The following TENM2 variants were observed in gnomAD, a reference collection of about 807,000 sequenced individuals.
TENM2 encodes the protein teneurin transmembrane protein 2.
In TENM2, 52 loss-of-function variants were observed where a neutral mutation model predicts 245.2. The ratio of observed to expected loss-of-function variants is 0.21; its 90% CI spans 0.17 to 0.27. The LOEUF (loss-of-function observed/expected upper bound fraction) is 0.27, where lower values mean the gene tolerates loss of function less well. Among genes scored for constraint, TENM2 ranks in the 10% least tolerant of loss-of-function variants. The pLI, the probability that TENM2 is intolerant of heterozygous loss-of-function variation, is 1.00. For synonymous variants in TENM2, 1,363 were observed against 1,438.9 expected, an observed-to-expected ratio of 0.95 and a Z score of 1.19; for missense variants, 3,046 against 3,666.8, an observed-to-expected ratio of 0.83 and a Z score of 4.37.
the TENM2 span, among the ~76,000 whole-genome samples, chr5:167,173,782 C>T: frequency 6.6e-6 from 1 of 151,122 alleles, no homozygotes; most frequent in South Asian, 2.1e-4. Flanking sequence ...ATAAATAGTG[C>T]CCTAGGTAAG....
the TENM2 span, among the ~76,000 whole-genome samples, chr5:167,054,661 A>G: frequency 6.6e-6 from 1 of 152,148 alleles, no homozygotes; most frequent in Admixed American, 6.6e-5. Flanking sequence ...ATGAATTAAG[A>G]TTTCTCATTG....
intron 2 of TENM2, among the ~76,000 whole-genome samples, chr5:167,761,361 A>G (rs1762652757): frequency 6.6e-6 from 1 of 152,100 alleles, no homozygotes; most frequent in Non-Finnish European, 1.5e-5. Context: ...TACCCCATCA[A>G]CCCAGAATGC....
At chr5:167,126,518 G>A in the TENM2 span, among the ~76,000 whole-genome samples, 2 of 151,968 alleles carry the variant, frequency 1.3e-5, no homozygotes, top group South Asian at 2.1e-4. Flanking sequence ...GTATTTCCCC[G>A]ATTCTAATCT....
intron 1 of TENM2, among the ~76,000 whole-genome samples, chr5:167,305,185 G>A (rs1755599057): frequency 6.6e-6 from 1 of 152,150 alleles, no homozygotes; most frequent in African/African-American, 2.4e-5. Context: ...GTTCAGGTTT[G>A]CCTGAATCTC....
chr5:167,667,770 C>T (rs1327671404), intron 2 of TENM2, among the ~76,000 whole-genome samples: 2 of 152,172 alleles, frequency 1.3e-5, no homozygotes, highest in Admixed American at 6.5e-5. Flanking sequence ...GTTGATTTCC[C>T]AGGTGCCTGG....
chr5:167,792,704 G>A (rs1487400052), intron 2 of TENM2, among the ~76,000 whole-genome samples: 1 of 151,596 alleles, frequency 6.6e-6, no homozygotes, highest in Non-Finnish European at 1.5e-5. Context: ...AATCTGCATG[G>A]GGGTCTTACT....
intron 2 of TENM2, among the ~76,000 whole-genome samples, chr5:167,868,008 A>G (rs947483540): frequency 6.6e-6 from 1 of 152,228 alleles, no homozygotes. Context: ...ATATCTGCCC[A>G]ATGCTTATAA....
chr5:166,985,467 C>T, the TENM2 span, among the ~76,000 whole-genome samples: 1 of 152,104 alleles, frequency 6.6e-6, no homozygotes, highest in Admixed American at 6.6e-5. Context: ...ATATTTTAAT[C>T]CTATGAATAA....
At chr5:167,063,283 A>T in the TENM2 span, among the ~76,000 whole-genome samples, 1 of 152,308 alleles carries the variant, frequency 6.6e-6, no homozygotes, top group South Asian at 2.1e-4. Flanking sequence ...TCTTTTTAAA[A>T]GAAAAAATGA....
Position 167,588,035 on chromosome 5 carries a change from G to A in TENM2, c.502+212562G>A, listed in dbSNP as rs759276188. Among the ~76,000 whole-genome samples the A allele has an allele frequency of 2.0e-4, 31 of 152,278 alleles. No individual in the cohort carries two copies. In the South Asian group the frequency reaches 2.1e-3, roughly 10 times the overall value. On this transcript the variant is annotated intron_variant, in intron 2 of 28. Coordinates refer to ENST00000518659, the Ensembl canonical transcript of TENM2. The stretch of plus-strand genomic sequence containing the variant: ...GAGGCAACCACACTCAGAAAAGACT[G>A]GGAATGGCAGGAGGTGATCAGACCA...
At chr5:167,182,528 A>G in the TENM2 span, among the ~76,000 whole-genome samples, 2 of 152,274 alleles carry the variant, frequency 1.3e-5, no homozygotes, top group South Asian at 2.1e-4. Flanking sequence ...TTTCTAAAAT[A>G]TTTTCTAAAC....
At chr5:167,215,114 G>C in the TENM2 span, among the ~76,000 whole-genome samples, 5 of 152,098 alleles carry the variant, frequency 3.3e-5, no homozygotes, top group African/African-American at 1.2e-4. Context: ...ATCTCTATCT[G>C]CCCTTCAAGA....
At chr5:167,764,718 A>G (rs1278422305) in intron 2 of TENM2, among the ~76,000 whole-genome samples, 1 of 152,148 alleles carries the variant, frequency 6.6e-6, no homozygotes, top group African/African-American at 2.4e-5. Context: ...TATGCAGAGA[A>G]GATCAGGGCC....
intron 4 of TENM2, among the ~76,000 whole-genome samples, chr5:167,989,059 A>G (rs1348278121): frequency 1.3e-5 from 2 of 152,184 alleles, no homozygotes; most frequent in African/African-American, 4.8e-5. Flanking sequence ...ACTGATGTCC[A>G]GGCACTAATG....
At chr5:167,067,135 C>T in the TENM2 span, among the ~76,000 whole-genome samples, 2 of 152,024 alleles carry the variant, frequency 1.3e-5, no homozygotes, top group African/African-American at 2.4e-5. Flanking sequence ...AAATTGGTCT[C>T]GTATTTATTC....
intron 2 of TENM2, among the ~76,000 whole-genome samples, chr5:167,696,568 A>G (rs943308019): frequency 3.3e-5 from 5 of 152,204 alleles, no homozygotes; most frequent in Admixed American, 1.3e-4. Flanking sequence ...TTTTCTTTGT[A>G]TGAAAATACT....
rs749016436 is a variant in TENM2, at chr5:167,470,454, C to CTTTTTTTTTTTTTTTTTTT, written c.502+94985_502+95003dup. ...TACAGAGAGGTATGGGCAATGCTTG[C>CTTTTTTTTTTTTTTTTTTT]TTTTTTTTTTTTTTTTTTTTTTGCT... On this transcript the variant is annotated intron_variant, in intron 2 of 28. Coordinates refer to ENST00000518659, the Ensembl canonical transcript of TENM2. 1.5e-3 allele frequency among the ~76,000 whole-genome samples: 73 copies of CTTTTTTTTTTTTTTTTTTT among 47,392 alleles called. 10 individuals carry two copies. Among genetic ancestry groups the CTTTTTTTTTTTTTTTTTTT allele is most frequent in the African/African-American group, 1.7e-3 (20 of 11,840 alleles). The allele number at this position is 47,392 out of a possible 152,430, so 31.1% of individuals were successfully genotyped here.
At chr5:167,292,846 T>C (rs1164601851) in intron 1 of TENM2, among the ~76,000 whole-genome samples, 1 of 152,228 alleles carries the variant, frequency 6.6e-6, no homozygotes, top group Non-Finnish European at 1.5e-5. Flanking sequence ...CGGAATGGCA[T>C]CCCAGAAATT....
At chr5:168,221,244 A>G (rs910884015) in intron 23 of TENM2, among the ~76,000 whole-genome samples, 3 of 152,122 alleles carry the variant, frequency 2.0e-5, no homozygotes, top group African/African-American at 7.2e-5. Context: ...AAGAGTGGCC[A>G]TATCTTTTTT....
Sources: allele counts gnomAD v4.1 joint callset (sites outside exome capture counted in the v4.1 genomes callset), GRCh38; gene constraint gnomAD v4.1.1; transcripts MANE v1.5; gene names NCBI Gene and HGNC (gene_info 2026-07-23, HGNC 2026-07-21).